Variants in PLXNA2 observed in about 807,000 individuals in gnomAD.
The protein encoded by PLXNA2 is plexin-A2.
In PLXNA2, 91 loss-of-function variants were observed where a neutral mutation model predicts 193.5. That is an observed-to-expected ratio of 0.47 (90% CI 0.40 to 0.56). The LOEUF (loss-of-function observed/expected upper bound fraction) is 0.56, where lower values mean the gene tolerates loss of function less well. Among genes scored for constraint, PLXNA2 ranks in the 20% least tolerant of loss-of-function variants. The pLI, the probability that PLXNA2 is intolerant of heterozygous loss-of-function variation, is 0.00. For synonymous variants in PLXNA2, 997 were observed against 1,027.3 expected (o/e 0.97, Z 0.56); for missense variants, 1,995 against 2,503.2 (o/e 0.80, Z 4.33).
intron 24 of PLXNA2, among the ~76,000 whole-genome samples, chr1:208,039,316 C>G (rs1664779122): frequency 6.6e-6 from 1 of 152,162 alleles, no homozygotes. Flanking sequence ...ATGCACTTCC[C>G]CAAAGCCTCT....
At chr1:208,109,931 G>A (rs747650891) in intron 4 of PLXNA2, among the ~76,000 whole-genome samples, 1 of 152,330 alleles carries the variant, frequency 6.6e-6, no homozygotes, top group South Asian at 2.1e-4. Flanking sequence ...ATAAATGGGT[G>A]GGTGGAGTTT....
Position 208,096,803 on chromosome 1 carries a change from C to G in PLXNA2, c.1812G>C (p.Gly604=). 6.2e-7 allele frequency: 1 copy of G among 1,614,124 alleles called. No homozygotes were observed. Among genetic ancestry groups the G allele is most frequent in the Non-Finnish European group, 8.5e-7 (1 of 1,180,028 alleles). ...AGATGACCTGGCTCCCGGACACCTG[C>G]CCCTCCACCTCTGTCAGGTTCCCAA... is the stretch of plus-strand genomic sequence containing the variant. ...CAFGNLTEVE[G]QVSGSQVICI... Residue 604 remains glycine, a synonymous_variant, in exon 7 of 32, where the codon GGG becomes GGC. Transcript: ENST00000367033.
Position 208,038,847 on chromosome 1 carries a change from C to T in PLXNA2, c.4638G>A (p.Pro1546=), listed in dbSNP as rs767907097. 1.5e-5 allele frequency: 24 copies of T among 1,613,954 alleles called. 1 individual carries two copies. The Admixed American group carries it at 1.8e-4, about 12-fold the overall frequency. The change falls in exon 25 of 32, where the codon CCG becomes CCA. Residue 1546 remains proline, a synonymous_variant. Transcript: ENST00000367033. The surrounding 1 kb of genome is among the most constrained non-coding windows in gnomAD (Gnocchi z 4.1). ...TACCCAAGTCCATGTCCACTGCCCT[C>T]GGCCGCTGGGAATAGGGCACATTCT... ...VYKNVPYSQR[P]RAVDMDLEWR... is the part of the protein sequence containing the mutation.
At chr1:208,069,544 C>T (rs531133224) in intron 12 of PLXNA2, among the ~76,000 whole-genome samples, 14 of 152,150 alleles carry the variant, frequency 9.2e-5, no homozygotes, top group East Asian at 3.9e-4. Context: ...TGGGGAGATG[C>T]GAAGGGCTGC....
intron 12 of PLXNA2, among the ~76,000 whole-genome samples, chr1:208,068,064 A>G (rs1199743324): frequency 6.6e-6 from 1 of 152,178 alleles, no homozygotes; most frequent in Non-Finnish European, 1.5e-5. Context: ...CACCTCCAGG[A>G]CCACAATTGC....
At chr1:208,088,906 T>A (rs1666624022) in intron 9 of PLXNA2, among the ~76,000 whole-genome samples, 1 of 152,198 alleles carries the variant, frequency 6.6e-6, no homozygotes, top group Non-Finnish European at 1.5e-5. Flanking sequence ...CTTGAAAAAT[T>A]GTCTCTGAAT....
intron 3 of PLXNA2, among the ~76,000 whole-genome samples, chr1:208,161,753 T>G (rs1405957877): frequency 6.6e-6 from 1 of 152,174 alleles, no homozygotes; most frequent in East Asian, 1.9e-4. Context: ...GATAACGGTC[T>G]TGGTTCTCAT....
At chr1:208,057,251 T>C (rs1359795845) in intron 13 of PLXNA2, among the ~76,000 whole-genome samples, 1 of 152,186 alleles carries the variant, frequency 6.6e-6, no homozygotes, top group East Asian at 1.9e-4. Context: ...AAACTAAGGC[T>C]CAGGGATGCT....
intron 3 of PLXNA2, among the ~76,000 whole-genome samples, chr1:208,178,530 G>A (rs762096990): frequency 6.6e-6 from 1 of 152,154 alleles, no homozygotes; most frequent in South Asian, 2.1e-4. Flanking sequence ...GGGTAGGGGC[G>A]GGGGTGTTGC....
At chr1:208,121,849 C>T (rs186196819) in intron 4 of PLXNA2, among the ~76,000 whole-genome samples, 2 of 152,204 alleles carry the variant, frequency 1.3e-5, no homozygotes, top group African/African-American at 4.8e-5. Flanking sequence ...ACATCCATAC[C>T]ACACACTCAC....
At chr1:208,218,416 G>T (rs139445729) in intron 1 of PLXNA2, among the ~76,000 whole-genome samples, 1 of 152,092 alleles carries the variant, frequency 6.6e-6, no homozygotes, top group African/African-American at 2.4e-5. Flanking sequence ...TTTTTTGAAA[G>T]CTTGTTAGGC....
chr1:208,229,925 A>C (rs1355865672), intron 1 of PLXNA2, among the ~76,000 whole-genome samples: 1 of 152,202 alleles, frequency 6.6e-6, no homozygotes, highest in Non-Finnish European at 1.5e-5. Flanking sequence ...CAGAGAAAAG[A>C]CCTTGGCCTT....
At chr1:208,179,090 T>C (rs1189361634) in intron 3 of PLXNA2, among the ~76,000 whole-genome samples, 1 of 152,034 alleles carries the variant, frequency 6.6e-6, no homozygotes, top group Non-Finnish European at 1.5e-5. Context: ...ACGGAGAGTC[T>C]CTGGTGATGA....
chr1:208,184,773 T>C (rs985507772), intron 3 of PLXNA2, among the ~76,000 whole-genome samples: 1 of 152,130 alleles, frequency 6.6e-6, no homozygotes, highest in African/African-American at 2.4e-5. Context: ...ACACGCCTCA[T>C]GCAGTTCCAG....
At chr1:208,113,833 G>T (rs2102436688) in intron 4 of PLXNA2, among the ~76,000 whole-genome samples, 1 of 152,258 alleles carries the variant, frequency 6.6e-6, no homozygotes, top group Non-Finnish European at 1.5e-5. Flanking sequence ...TGGAATTACA[G>T]GTGTGAGCCA....
intron 2 of PLXNA2, among the ~76,000 whole-genome samples, chr1:208,214,223 T>C (rs906678636): frequency 6.6e-6 from 1 of 152,254 alleles, no homozygotes; most frequent in African/African-American, 2.4e-5. Context: ...CTGTGATTAA[T>C]ATTAATAATC....
At chr1:208,209,564 G>A (rs753791941) in intron 3 of PLXNA2, among the ~76,000 whole-genome samples, 4 of 152,178 alleles carry the variant, frequency 2.6e-5, no homozygotes, top group Non-Finnish European at 4.4e-5. Flanking sequence ...TAGACAAGCT[G>A]GTACAAGCTG....
At position 208,079,461 on chromosome 1, in the gene PLXNA2, A is replaced by G; in HGVS notation, c.2396-11T>C. The stretch of plus-strand genomic sequence containing the variant: ...ACTTGTAGAGATGGACTGCAAAGAG[A>G]GCAGGTGGTCACAGATGAAACCAGA... On this transcript the variant is annotated splice_polypyrimidine_tract_variant and intron_variant, in intron 11 of 31. Transcript: ENST00000367033. The G allele has an allele frequency of 6.4e-7, 1 of 1,557,692 alleles. No individual in the cohort carries two copies. The highest frequency in any genetic ancestry group is 8.7e-7 in the Non-Finnish European group (1 of 1,143,816).
chr1:208,159,333 A>G (rs1669034058), intron 3 of PLXNA2, among the ~76,000 whole-genome samples: 1 of 152,248 alleles, frequency 6.6e-6, no homozygotes, highest in Admixed American at 6.5e-5. Flanking sequence ...CTTCATGATC[A>G]TCCTGTGGGG....
Sources: gnomAD v4.1 joint callset for allele counts (sites outside exome capture counted in the v4.1 genomes callset) on GRCh38, gnomAD v4.1.1 for gene constraint, Gnocchi (gnomAD v3.1) non-coding constraint, MANE v1.5 for transcripts, NCBI Gene and HGNC (gene_info 2026-07-23, HGNC 2026-07-21) for gene names.